The following UMAD1 variants were observed in gnomAD, a reference collection of about 807,000 sequenced individuals.
The protein encoded by UMAD1 is UBAP1-MVB12-associated (UMA) domain containing 1, also known as UBAP1-MVB12-associated (UMA)-domain containing protein 1.
UMAD1 carries 8 observed loss-of-function variants against 6.1 expected under a neutral mutation model. The ratio of observed to expected loss-of-function variants is 1.30; its 90% CI spans 0.76 to 2.35. The LOEUF (loss-of-function observed/expected upper bound fraction) is 2.35, where lower values mean the gene tolerates loss of function less well. Ranked by LOEUF, UMAD1 falls within the 30% of genes most tolerant of loss-of-function variation. UMAD1 has a pLI of 0.00. For synonymous variants in UMAD1, 56 were observed against 31.4 expected (o/e 1.78, Z -2.61); for missense variants, 130 against 78.4 (o/e 1.66, Z -2.49).
intron 3 of UMAD1, among the ~76,000 whole-genome samples, chr7:7,837,337 C>G (rs1783590505): frequency 6.6e-6 from 1 of 151,966 alleles, no homozygotes; most frequent in Admixed American, 6.6e-5. Context: ...GGAAAATGAT[C>G]CCAGATGGAA....
At chr7:7,768,028 C>A (rs1209202020) in intron 2 of UMAD1, among the ~76,000 whole-genome samples, 1 of 151,796 alleles carries the variant, frequency 6.6e-6, no homozygotes, top group Non-Finnish European at 1.5e-5. Context: ...TTTTCTTATT[C>A]ATGACTTTCC....
intron 2 of UMAD1, among the ~76,000 whole-genome samples, chr7:7,688,161 C>T (rs1780083726): frequency 6.6e-6 from 1 of 152,162 alleles, no homozygotes. Context: ...ACATTCCCTG[C>T]ATTACATCAG....
intron 3 of UMAD1, among the ~76,000 whole-genome samples, chr7:7,858,229 T>C (rs1784055516): frequency 6.6e-6 from 1 of 152,198 alleles, no homozygotes; most frequent in African/African-American, 2.4e-5. Flanking sequence ...ACCGATTTGA[T>C]GTAAAGTTAA....
chr7:7,774,645 T>C (rs1256710438), intron 2 of UMAD1, among the ~76,000 whole-genome samples: 1 of 152,250 alleles, frequency 6.6e-6, no homozygotes, highest in East Asian at 1.9e-4. Flanking sequence ...TTTACTAACA[T>C]AGATTCTTTG....
chr7:7,794,997 C>T (rs1444284367), intron 2 of UMAD1, among the ~76,000 whole-genome samples: 1 of 152,252 alleles, frequency 6.6e-6, no homozygotes, highest in Admixed American at 6.5e-5. Context: ...CAAAGCTGAA[C>T]TCCTTCAACC....
At chr7:7,876,814 A>C (rs760447573) in intron 3 of UMAD1, among the ~76,000 whole-genome samples, 3 of 152,238 alleles carry the variant, frequency 2.0e-5, no homozygotes, top group Non-Finnish European at 4.4e-5. Context: ...ATATATTTGC[A>C]TATGGAACAG....
chr7:7,799,627 C>T lies in UMAD1; in HGVS notation c.83-2043C>T, dbSNP rs528685178. On this transcript the variant is annotated intron_variant, in intron 2 of 3. Transcript: ENST00000682710. ...GTTATACGTATTTTCTTAGAAACAT[C>T]GTGCATGTGCATTGTTAAACACAAC... Among the ~76,000 whole-genome samples the T allele has an allele frequency of 3.3e-5, 5 of 152,278 alleles. No homozygotes were observed. In the South Asian group the frequency reaches 6.2e-4, roughly 19 times the overall value.
At chr7:7,771,914 T>C (rs1782111299) in intron 2 of UMAD1, among the ~76,000 whole-genome samples, 1 of 152,188 alleles carries the variant, frequency 6.6e-6, no homozygotes, top group Non-Finnish European at 1.5e-5. Flanking sequence ...TTTGTATATG[T>C]TTAAAAATGT....
Position 7,654,602 on chromosome 7 carries a change from A to T in UMAD1, c.-64+13781A>T, listed in dbSNP as rs544461424. Among the ~76,000 whole-genome samples, 3 of 152,214 alleles carry T rather than the reference A, an allele frequency of 2.0e-5. No homozygotes were observed. The South Asian group carries it at 6.2e-4, about 32-fold the overall frequency. On this transcript the variant is annotated intron_variant, in intron 1 of 3. Transcript: ENST00000682710. ...TTAGAATATCTAACTCTGTGTAAAT[A>T]GTTATATTTTAAAATTTGGGCTGGG...
intron 3 of UMAD1, among the ~76,000 whole-genome samples, chr7:7,854,385 G>C (rs1450130768): frequency 7.9e-6 from 1 of 126,056 alleles, no homozygotes; most frequent in Middle Eastern, 4.3e-3. Context: ...AAAAAGATAA[G>C]AGATTTAATT....
chr7:7,729,948 G>T (rs543462320), intron 2 of UMAD1, among the ~76,000 whole-genome samples: 7 of 152,284 alleles, frequency 4.6e-5, no homozygotes, highest in African/African-American at 1.7e-4. Flanking sequence ...ATCACTGTCT[G>T]ACTTCTCTCA....
rs1011982189 is a variant in UMAD1 at position 7,830,738 on chromosome 7, C to T, written c.156+28995C>T. On this transcript the variant is annotated intron_variant, in intron 3 of 3. Transcript: ENST00000682710. This position sits in a 1 kb window ranked among gnomAD's most constrained non-coding sequence, Gnocchi z 5.3. ...GAAGAGATACAGTAGGGTTTTGAGTCAATATAAATAAACACATAGACTAAG... is the reference window on the plus strand; with the variant it reads ...GAAGAGATACAGTAGGGTTTTGAGTTAATATAAATAAACACATAGACTAAG... 6.6e-6 allele frequency among the ~76,000 whole-genome samples: 1 copy of T among 152,038 alleles called. No homozygotes were observed. Among genetic ancestry groups the T allele is most frequent in the African/African-American group, 2.4e-5 (1 of 41,406 alleles).
At chr7:7,858,159 T>G (rs1026164302) in intron 3 of UMAD1, among the ~76,000 whole-genome samples, 3 of 152,222 alleles carry the variant, frequency 2.0e-5, no homozygotes, top group Non-Finnish European at 4.4e-5. Context: ...AAGTAAGTGC[T>G]CATTCAGTGT....
intron 2 of UMAD1, among the ~76,000 whole-genome samples, chr7:7,734,661 T>C (rs1781316312): frequency 6.6e-6 from 1 of 152,214 alleles, no homozygotes; most frequent in African/African-American, 2.4e-5. Flanking sequence ...CTTCGCCATA[T>C]CATGCTGAAA....
intron 2 of UMAD1, among the ~76,000 whole-genome samples, chr7:7,757,889 G>A (rs1024529583): frequency 6.6e-6 from 1 of 152,138 alleles, no homozygotes; most frequent in Admixed American, 6.5e-5. Flanking sequence ...GGCCGCAGCA[G>A]GGTTCTGTGT....
chr7:7,694,031 T>C (rs1413853029), intron 2 of UMAD1, among the ~76,000 whole-genome samples: 2 of 152,200 alleles, frequency 1.3e-5, no homozygotes, highest in African/African-American at 4.8e-5. Context: ...TGAGTTTTTT[T>C]CAACTGAGTC....
At position 7,724,948 on chromosome 7, in the gene UMAD1, C is replaced by T. The variant is rs1206534096; in HGVS notation, c.82+51495C>T. ...CACTTCCACGAGATACCACACTGGT[C>T]CATTACATTGATGACATTATGCTGA... On this transcript the variant is annotated intron_variant, in intron 2 of 3. Transcript: ENST00000682710. Among the ~76,000 whole-genome samples the T allele has an allele frequency of 6.6e-5, 10 of 152,276 alleles. 1 individual carries two copies. The highest frequency in any genetic ancestry group is 6.2e-4 in the South Asian group (3 of 4,828).
chr7:7,785,658 T>C (rs1782448365), intron 2 of UMAD1, among the ~76,000 whole-genome samples: 1 of 152,334 alleles, frequency 6.6e-6, no homozygotes, highest in East Asian at 1.9e-4. Context: ...ACAGAAATCA[T>C]GGTAGCCTAA....
intron 2 of UMAD1, chr7:7,692,226 G>C (rs1163174888): frequency 1.3e-5 from 2 of 152,320 alleles, no homozygotes; most frequent in African/African-American, 4.8e-5. Context: ...TGGTGGTGGA[G>C]GGTGATGGGG....
Sources: allele counts gnomAD v4.1 joint callset (sites outside exome capture counted in the v4.1 genomes callset), GRCh38; gene constraint gnomAD v4.1.1; non-coding constraint Gnocchi (gnomAD v3.1); transcripts MANE v1.5; gene names NCBI Gene and HGNC (gene_info 2026-07-23, HGNC 2026-07-21).